The following PDE4D variants were observed in gnomAD, a reference collection of about 807,000 sequenced individuals.
PDE4D encodes the protein 3',5'-cyclic-AMP phosphodiesterase 4D.
A neutral mutation model predicts 87.4 loss-of-function variants in PDE4D; 24 were observed. The observed-to-expected ratio is 0.27, with a 90% CI of 0.20 to 0.39. PDE4D has a LOEUF of 0.39. PDE4D is among the 10% of genes least tolerant of loss of function. PDE4D has a pLI of 1.00. For synonymous variants in PDE4D, 384 were observed against 383.2 expected, an observed-to-expected ratio of 1.00 and a Z score of -0.02; for missense variants, 714 against 1,041.0, an observed-to-expected ratio of 0.69 and a Z score of 4.32.
intron 3 of PDE4D, among the ~76,000 whole-genome samples, chr5:59,971,307 C>A (rs570685002): frequency 2.7e-5 from 4 of 148,598 alleles, no homozygotes; most frequent in South Asian, 2.1e-4. Flanking sequence ...TGTATACATA[C>A]GTAACTAACC....
intron 1 of PDE4D, among the ~76,000 whole-genome samples, chr5:59,879,059 C>T (rs1251106728): frequency 2.6e-5 from 4 of 151,828 alleles, no homozygotes; most frequent in Admixed American, 6.6e-5. Flanking sequence ...CCACCACGCC[C>T]GGCTAATTTT....
At chr5:60,273,457 TGAGAGCAATG>T (rs1360304129) in intron 1 of PDE4D, among the ~76,000 whole-genome samples, 3 of 152,288 alleles carry the variant, frequency 2.0e-5, no homozygotes, top group Non-Finnish European at 2.9e-5. Flanking sequence ...CTCTCAATTC[TGAGAGCAATG>T]GAGAGCTACT....
intron 1 of PDE4D, among the ~76,000 whole-genome samples, chr5:59,279,744 G>T (rs992800869): frequency 1.3e-5 from 2 of 151,628 alleles, no homozygotes; most frequent in Admixed American, 6.6e-5. Flanking sequence ...TTGGACCCAG[G>T]TATATTTCAT....
intron 1 of PDE4D, among the ~76,000 whole-genome samples, chr5:59,726,033 C>T (rs1756549692): frequency 6.6e-6 from 1 of 152,080 alleles, no homozygotes; most frequent in East Asian, 1.9e-4. Context: ...GTGTCTGGCA[C>T]TGAGAAGGGT....
chr5:60,132,830 C>T (rs1476923184), intron 2 of PDE4D, among the ~76,000 whole-genome samples: 2 of 151,914 alleles, frequency 1.3e-5, no homozygotes, highest in African/African-American at 2.4e-5. Context: ...GCACTCCAGC[C>T]TGGGCAATAG....
At chr5:59,826,334 C>A (rs1166826316) in intron 1 of PDE4D, among the ~76,000 whole-genome samples, 1 of 152,098 alleles carries the variant, frequency 6.6e-6, no homozygotes, top group Non-Finnish European at 1.5e-5. Flanking sequence ...TTTCACTTCA[C>A]CAAAATTTAC....
intron 1 of PDE4D, among the ~76,000 whole-genome samples, chr5:59,580,430 A>G (rs1375042874): frequency 6.6e-6 from 1 of 152,186 alleles, no homozygotes; most frequent in African/African-American, 2.4e-5. Flanking sequence ...TAGTTATACA[A>G]GAGATTTTGG....
chr5:59,405,459 T>C (rs2153616378), intron 1 of PDE4D, among the ~76,000 whole-genome samples: 1 of 152,350 alleles, frequency 6.6e-6, no homozygotes, highest in Non-Finnish European at 1.5e-5. Flanking sequence ...GTTTACCAGT[T>C]CTAGTAGTGT....
intron 6 of PDE4D, among the ~76,000 whole-genome samples, chr5:59,014,204 A>G (rs550511255): frequency 1.9e-4 from 29 of 152,288 alleles, no homozygotes; most frequent in Admixed American, 3.3e-4. Context: ...TGAATGGGCA[A>G]AAACTGGAAG....
rs191943138 is a variant in PDE4D, at chr5:60,358,979, A to G, written c.-90+128963T>C. ...CACTAATTAATTCATTTAATTAATC[A>G]AAAGACATCAATTGGGCACTTATTA... is the stretch of plus-strand genomic sequence containing the variant. On this transcript the variant is annotated intron_variant, in intron 1 of 16. Coordinates refer to the PDE4D transcript ENST00000502484. 1.0e-3 allele frequency among the ~76,000 whole-genome samples: 156 copies of G among 152,324 alleles called. 2 individuals are homozygous for G. Among genetic ancestry groups the G allele is most frequent in the Non-Finnish European group, 4.0e-4 (27 of 68,030 alleles).
intron 1 of PDE4D, among the ~76,000 whole-genome samples, chr5:59,704,051 C>G (rs183031866): frequency 1.3e-5 from 2 of 151,992 alleles, no homozygotes; most frequent in East Asian, 3.9e-4. Context: ...ACCTCCAGCT[C>G]GAAAAATTTG....
At chr5:59,806,657 A>C (rs1486901932) in intron 1 of PDE4D, among the ~76,000 whole-genome samples, 4 of 152,260 alleles carry the variant, frequency 2.6e-5, no homozygotes, top group Admixed American at 6.5e-5. Context: ...AGCATGAGAA[A>C]GATGACTATT....
intron 3 of PDE4D, among the ~76,000 whole-genome samples, chr5:59,185,474 T>A (rs1742681699): frequency 6.6e-6 from 1 of 152,162 alleles, no homozygotes; most frequent in Admixed American, 6.6e-5. Context: ...CTCCACATTG[T>A]CTATGCACAT....
At chr5:59,817,833 C>T (rs896720202) in intron 1 of PDE4D, among the ~76,000 whole-genome samples, 1 of 151,878 alleles carries the variant, frequency 6.6e-6, no homozygotes, top group African/African-American at 2.4e-5. Context: ...ATAACCAGCA[C>T]TGAACCAAGC....
intron 1 of PDE4D, among the ~76,000 whole-genome samples, chr5:59,265,602 G>A (rs1275789020): frequency 1.3e-5 from 2 of 152,074 alleles, no homozygotes; most frequent in African/African-American, 4.8e-5. Flanking sequence ...CAAGGAGCCA[G>A]CCATGTGCTA....
intron 1 of PDE4D, among the ~76,000 whole-genome samples, chr5:59,653,225 T>TTTTTA (rs1188904512): frequency 2.7e-5 from 4 of 150,690 alleles, no homozygotes; most frequent in South Asian, 2.1e-4. Flanking sequence ...TTTTTTTTTT[T>TTTTTA]AGACAGAGTT....
chr5:59,551,502 T>A (rs549673477), intron 1 of PDE4D, among the ~76,000 whole-genome samples: 29 of 150,154 alleles, frequency 1.9e-4, no homozygotes, highest in African/African-American at 6.2e-4. Flanking sequence ...CACAAATACA[T>A]AAATGAGTCT....
intron 2 of PDE4D, among the ~76,000 whole-genome samples, chr5:60,158,805 G>A (rs1214820404): frequency 1.3e-5 from 2 of 152,056 alleles, no homozygotes; most frequent in African/African-American, 4.8e-5. Context: ...TCCTGACCTC[G>A]TGATCCGCCC....
chr5:60,432,904 C>T (rs1425719979), intron 1 of PDE4D, among the ~76,000 whole-genome samples: 1 of 152,112 alleles, frequency 6.6e-6, no homozygotes, highest in East Asian at 1.9e-4. Flanking sequence ...TGGACAGCTT[C>T]CTTAGATCAT....
Sources: gnomAD v4.1 joint callset for allele counts (sites outside exome capture counted in the v4.1 genomes callset) on GRCh38, gnomAD v4.1.1 for gene constraint, MANE v1.5 for transcripts, NCBI Gene and HGNC (gene_info 2026-07-23, HGNC 2026-07-21) for gene names.